The following GNG2 variants were observed in gnomAD, a reference collection of about 807,000 sequenced individuals.
GNG2 encodes the protein G protein subunit gamma 2.
GNG2 carries 5 observed loss-of-function variants against 5.5 expected under a neutral mutation model. The observed-to-expected ratio is 0.91, with a 90% CI of 0.48 to 1.92. The LOEUF is 1.92. Among genes scored for constraint, GNG2 ranks in the 30% most tolerant of loss-of-function variants. The pLI, the probability that GNG2 is intolerant of heterozygous loss-of-function variation, is 0.01. For missense variants in GNG2, 55 were observed against 88.4 expected, an observed-to-expected ratio of 0.62 and a Z score of 1.52; for synonymous variants, 28 against 32.0, an observed-to-expected ratio of 0.88 and a Z score of 0.42.
chr14:51,868,215 G>T (rs1323558316), intron 1 of GNG2, among the ~76,000 whole-genome samples: 2 of 152,140 alleles, frequency 1.3e-5, no homozygotes, highest in Non-Finnish European at 2.9e-5. Context: ...GAACAAAACT[G>T]GTCGGTTGTT....
chr14:51,827,626 G>T (rs887121038), intron 1 of GNG2: 2 of 687,002 alleles, frequency 2.9e-6, no homozygotes, highest in African/African-American at 3.5e-5. Flanking sequence ...GCTGTGATTA[G>T]TGTGTTGGAT....
intron 2 of GNG2, among the ~76,000 whole-genome samples, chr14:51,848,284 G>A (rs1566643248): frequency 6.6e-6 from 1 of 152,114 alleles, no homozygotes; most frequent in Non-Finnish European, 1.5e-5. Context: ...ATTTTGGCTA[G>A]CGTCATTCTG....
chr14:51,847,875 CTTTTTCTTTTTTTTTTTTTT>C (rs1334591296), intron 2 of GNG2, among the ~76,000 whole-genome samples: 3 of 66,148 alleles, frequency 4.5e-5, no homozygotes, highest in South Asian at 1.2e-3. Flanking sequence ...AATACAGGTC[CTTTTTCTTTTTTTTTTTTTT>C]TTTTTTTTTT....
In GNG2 at chr14:51,826,994, G is replaced by A. The variant is rs941598975; in HGVS notation, c.-76-674G>A. Among the ~76,000 whole-genome samples the A allele has an allele frequency of 5.3e-5, 8 of 152,144 alleles. No individual in the cohort carries two copies. The East Asian group carries it at 5.8e-4, about 11-fold the overall frequency. ...TCCGAGGTTTCCTGGGGGAAGGAGC[G>A]AGGCTGACACAAGGTGAGAGGTGTA... On this transcript the variant is annotated intron_variant, in intron 1 of 3. Coordinates refer to the GNG2 transcript ENST00000553432.
intron 2 of GNG2, among the ~76,000 whole-genome samples, chr14:51,918,011 G>A (rs1886755779): frequency 7.0e-6 from 1 of 142,972 alleles, no homozygotes; most frequent in Non-Finnish European, 1.5e-5. Context: ...GGGCAAGAGA[G>A]AGAGACTCCA....
intron 2 of GNG2, among the ~76,000 whole-genome samples, chr14:51,910,382 C>T (rs1886221678): frequency 6.6e-6 from 1 of 152,034 alleles, no homozygotes; most frequent in South Asian, 2.1e-4. Context: ...AGAAATGAGG[C>T]TGAAGAAGGA....
intron 3 of GNG2, among the ~76,000 whole-genome samples, chr14:51,955,861 T>C (rs2140294288): frequency 6.6e-6 from 1 of 152,314 alleles, no homozygotes; most frequent in East Asian, 1.9e-4. Flanking sequence ...TATGTATAAA[T>C]TAGTGAGCCA....
At chr14:51,861,483 T>C in intron 1 of GNG2, 1 of 152,186 alleles carries the variant, frequency 6.6e-6, no homozygotes, top group East Asian at 1.9e-4. Flanking sequence ...AGCATATGCA[T>C]GGATTTTATG....
At chr14:51,854,671 C>A (rs1409636801) in intron 2 of GNG2, among the ~76,000 whole-genome samples, 1 of 152,034 alleles carries the variant, frequency 6.6e-6, no homozygotes, top group Non-Finnish European at 1.5e-5. Flanking sequence ...CGCCACCACG[C>A]CTGGCTAATT....
intron 3 of GNG2, among the ~76,000 whole-genome samples, chr14:51,961,829 G>A (rs1397682329): frequency 1.3e-5 from 2 of 152,154 alleles, no homozygotes; most frequent in South Asian, 4.1e-4. Flanking sequence ...TGAGAGGGAA[G>A]AATGCTACAA....
At chr14:51,952,757 A>C (rs575281356) in intron 3 of GNG2, among the ~76,000 whole-genome samples, 3 of 152,256 alleles carry the variant, frequency 2.0e-5, no homozygotes, top group Admixed American at 2.0e-4. Flanking sequence ...TGAATTACTG[A>C]CTGCAAGGGG....
intron 2 of GNG2, among the ~76,000 whole-genome samples, chr14:51,936,954 C>T (rs576358295): frequency 6.6e-6 from 1 of 152,124 alleles, no homozygotes; most frequent in African/African-American, 2.4e-5. Flanking sequence ...CTCCTTTCAC[C>T]CAAATAAACA....
At chr14:51,919,732 T>C (rs1220074394) in intron 2 of GNG2, among the ~76,000 whole-genome samples, 2 of 152,218 alleles carry the variant, frequency 1.3e-5, no homozygotes, top group Non-Finnish European at 2.9e-5. Context: ...TATGGTCCAG[T>C]AACTGAATAA....
chr14:51,881,169 G>A (rs1386875618), intron 2 of GNG2, among the ~76,000 whole-genome samples: 2 of 152,120 alleles, frequency 1.3e-5, no homozygotes, highest in Non-Finnish European at 2.9e-5. Context: ...CAGTCAGCCT[G>A]CATGGAAGTT....
chr14:51,838,479 C>G (rs1465019614), intron 2 of GNG2, among the ~76,000 whole-genome samples: 1 of 152,000 alleles, frequency 6.6e-6, no homozygotes, highest in Non-Finnish European at 1.5e-5. Flanking sequence ...CCCATTTACA[C>G]AGATAAACTG....
chr14:51,866,474 C>G (rs1044373908), intron 1 of GNG2, among the ~76,000 whole-genome samples: 1 of 152,220 alleles, frequency 6.6e-6, no homozygotes, highest in Non-Finnish European at 1.5e-5. Flanking sequence ...CTCATTCTTA[C>G]CACCTTAGAA....
chr14:51,920,736 A>C (rs1046257959), intron 2 of GNG2, among the ~76,000 whole-genome samples: 3 of 152,342 alleles, frequency 2.0e-5, no homozygotes, highest in Non-Finnish European at 4.4e-5. Flanking sequence ...CTATGTAGGC[A>C]GTGGAAGATG....
intron 2 of GNG2, among the ~76,000 whole-genome samples, chr14:51,908,153 G>A (rs562577401): frequency 2.1e-3 from 322 of 152,332 alleles, no homozygotes; most frequent in Middle Eastern, 6.8e-3. Flanking sequence ...GGAGGATCTG[G>A]TTCTAAGCTC....
At chr14:51,895,926 T>TA (rs137995177) in intron 2 of GNG2, among the ~76,000 whole-genome samples, 3,935 of 152,362 alleles carry the variant, frequency 0.026, 78 homozygotes, top group East Asian at 0.057. Flanking sequence ...AGACGTGACT[T>TA]ACTCATCCTG....
Sources: gnomAD v4.1 joint callset for allele counts (sites outside exome capture counted in the v4.1 genomes callset) on GRCh38, gnomAD v4.1.1 for gene constraint, MANE v1.5 for transcripts, NCBI Gene and HGNC (gene_info 2026-07-23, HGNC 2026-07-21) for gene names.